Variants in KCNJ6 observed in about 807,000 individuals in gnomAD.
KCNJ6 encodes the protein G protein-activated inward rectifier potassium channel 2.
A neutral mutation model predicts 34.2 loss-of-function variants in KCNJ6; 9 were observed. That is an observed-to-expected ratio of 0.26 (90% CI 0.16 to 0.46). KCNJ6 has a LOEUF of 0.46. KCNJ6 is among the 20% of genes least tolerant of loss of function. KCNJ6 has a pLI of 1.00. For missense variants in KCNJ6, 236 were observed against 531.3 expected (o/e 0.44, Z 5.46); for synonymous variants, 196 against 207.1 (o/e 0.95, Z 0.46).
At chr21:37,754,168 T>A (rs963644224) in intron 2 of KCNJ6, among the ~76,000 whole-genome samples, 2 of 152,282 alleles carry the variant, frequency 1.3e-5, no homozygotes, top group Non-Finnish European at 2.9e-5. Flanking sequence ...AGGAAGGACA[T>A]CTTTAGGGGA....
At chr21:37,682,570 G>A (rs1012288019) in intron 3 of KCNJ6, among the ~76,000 whole-genome samples, 2 of 151,982 alleles carry the variant, frequency 1.3e-5, no homozygotes. Flanking sequence ...TCTTATAAGG[G>A]CAATTGTCAT....
chr21:37,847,934 G>C (rs1448914570), intron 1 of KCNJ6, among the ~76,000 whole-genome samples: 1 of 152,202 alleles, frequency 6.6e-6, no homozygotes, highest in African/African-American at 2.4e-5. Flanking sequence ...GGGAGGGCAA[G>C]GAAGAATACT....
At chr21:37,772,977 G>C (rs2055124425) in intron 2 of KCNJ6, among the ~76,000 whole-genome samples, 1 of 152,114 alleles carries the variant, frequency 6.6e-6, no homozygotes, top group South Asian at 2.1e-4. Flanking sequence ...TTTTCATATG[G>C]AATACATCAG....
intron 3 of KCNJ6, among the ~76,000 whole-genome samples, chr21:37,713,311 C>CA (rs2123450666): frequency 6.6e-6 from 1 of 152,040 alleles, no homozygotes; most frequent in African/African-American, 2.4e-5. Context: ...AAAAGGACCC[C>CA]AAAGACACTA....
intron 2 of KCNJ6, among the ~76,000 whole-genome samples, chr21:37,832,856 T>C (rs1007063211): frequency 6.6e-6 from 1 of 152,128 alleles, no homozygotes; most frequent in Non-Finnish European, 1.5e-5. Context: ...GCAGTGACCA[T>C]ACCTCCTGCA....
chr21:37,749,057 A>G (rs561795199), intron 2 of KCNJ6, among the ~76,000 whole-genome samples: 61 of 152,314 alleles, frequency 4.0e-4, no homozygotes, highest in African/African-American at 1.3e-3. Context: ...GCATATTTAT[A>G]TATAATAAAC....
chr21:37,692,230 CA>C (rs753895343), intron 3 of KCNJ6, among the ~76,000 whole-genome samples: 1 of 151,748 alleles, frequency 6.6e-6, no homozygotes, highest in Non-Finnish European at 1.5e-5. Context: ...CAAAAAATCC[CA>C]AAAAACAAAA....
chr21:37,696,894 C>G (rs1005545), intron 3 of KCNJ6, among the ~76,000 whole-genome samples: 61,358 of 151,992 alleles, frequency 0.4, 12,756 homozygotes, highest in Admixed American at 0.45. Flanking sequence ...GAAGATCATT[C>G]CTTCTGCCCC....
chr21:37,649,099 C>T (rs145686238), intron 3 of KCNJ6, among the ~76,000 whole-genome samples: 1,423 of 137,662 alleles, frequency 0.01, 11 homozygotes, highest in Middle Eastern at 0.021. Context: ...TGCCATTGCA[C>T]TCCAGCCTGG....
chr21:37,625,961 G>A (rs2054308836), intron 3 of KCNJ6, among the ~76,000 whole-genome samples: 1 of 152,126 alleles, frequency 6.6e-6, no homozygotes, highest in Non-Finnish European at 1.5e-5. Flanking sequence ...TTAAGCTAGA[G>A]GCCACAGATC....
chr21:37,746,176 C>T (rs2054966859), intron 2 of KCNJ6, among the ~76,000 whole-genome samples: 1 of 152,142 alleles, frequency 6.6e-6, no homozygotes, highest in African/African-American at 2.4e-5. Flanking sequence ...ATTAGGATGT[C>T]AACATATGAA....
At chr21:37,774,674 T>C (rs1163218586) in intron 2 of KCNJ6, among the ~76,000 whole-genome samples, 1 of 152,190 alleles carries the variant, frequency 6.6e-6, no homozygotes, top group Non-Finnish European at 1.5e-5. Flanking sequence ...ACAAAGGACA[T>C]GAACTCATCA....
chr21:37,864,479 C>T (rs567971610), intron 1 of KCNJ6, among the ~76,000 whole-genome samples: 1 of 152,114 alleles, frequency 6.6e-6, no homozygotes, highest in African/African-American at 2.4e-5. Flanking sequence ...TATCTGTATG[C>T]CATTGTTTAA....
intron 2 of KCNJ6, among the ~76,000 whole-genome samples, chr21:37,794,363 T>A (rs1201705580): frequency 1.3e-5 from 2 of 152,224 alleles, no homozygotes; most frequent in Non-Finnish European, 2.9e-5. Flanking sequence ...TAACCCCTCA[T>A]GCCTCAGTTT....
chr21:37,683,758 G>A (rs759306385), intron 3 of KCNJ6, among the ~76,000 whole-genome samples: 61 of 152,190 alleles, frequency 4.0e-4, no homozygotes, highest in Non-Finnish European at 7.4e-4. Context: ...CCACAGAGCT[G>A]GGGTCTGGAC....
At chr21:37,728,424 G>A (rs1161177473) in intron 2 of KCNJ6, among the ~76,000 whole-genome samples, 7 of 152,160 alleles carry the variant, frequency 4.6e-5, no homozygotes, top group African/African-American at 1.2e-4. Flanking sequence ...TTTAAGAATC[G>A]TTAAAATGAT....
chr21:37,756,785 C>G (rs1216250992), intron 2 of KCNJ6, among the ~76,000 whole-genome samples: 1 of 132,584 alleles, frequency 7.5e-6, no homozygotes, highest in African/African-American at 2.9e-5. Flanking sequence ...AGTGAGCACT[C>G]CCTCACAGAT....
chr21:37,680,336 G>C (rs1231068023), intron 3 of KCNJ6, among the ~76,000 whole-genome samples: 1 of 152,176 alleles, frequency 6.6e-6, no homozygotes, highest in African/African-American at 2.4e-5. Flanking sequence ...CCCTGAGACT[G>C]AGCCAGTATC....
intron 3 of KCNJ6, among the ~76,000 whole-genome samples, chr21:37,635,681 C>T (rs1173778897): frequency 6.7e-6 from 1 of 150,144 alleles, no homozygotes; most frequent in Non-Finnish European, 1.5e-5. Flanking sequence ...CCACACCTGA[C>T]TATTTTTGTA....
Sources: allele counts gnomAD v4.1 joint callset (sites outside exome capture counted in the v4.1 genomes callset), GRCh38; gene constraint gnomAD v4.1.1; transcripts MANE v1.5; gene names NCBI Gene and HGNC (gene_info 2026-07-23, HGNC 2026-07-21).